Variants in SLC12A4 observed in about 807,000 individuals in gnomAD.
SLC12A4 encodes solute carrier family 12 member 4, also known as electroneutral potassium-chloride cotransporter 1.
A neutral mutation model predicts 119.2 loss-of-function variants in SLC12A4; 84 were observed. The observed-to-expected ratio is 0.70, with a 90% CI of 0.59 to 0.85. SLC12A4 has a LOEUF of 0.85. SLC12A4 is among the 40% of genes least tolerant of loss of function. The pLI, the probability that SLC12A4 is intolerant of heterozygous loss-of-function variation, is 0.00. For missense variants in SLC12A4, 1,298 were observed against 1,476.3 expected, an observed-to-expected ratio of 0.88 and a Z score of 1.98; for synonymous variants, 599 against 604.6, an observed-to-expected ratio of 0.99 and a Z score of 0.14.
chr16:67,955,337 A>T (rs1346733989), intron 5 of SLC12A4, among the ~76,000 whole-genome samples: 1 of 152,258 alleles, frequency 6.6e-6, no homozygotes, highest in African/African-American at 2.4e-5. Context: ...GCACAGGGGG[A>T]CAAGAGTCAT....
Position 67,950,350 on chromosome 16 carries a change from A to G in SLC12A4, c.1598T>C (p.Ile533Thr). ...LTGAPRLLQA[I>T]AKDNIIPFLR... ...GAAGGGGATGATGTTGTCCTTGGCAATGGCCTGCAATAGGCGTGGTGCCCC... is the reference window on the plus strand; with the variant it reads ...GAAGGGGATGATGTTGTCCTTGGCAGTGGCCTGCAATAGGCGTGGTGCCCC... Residue 533 changes from isoleucine (I) to threonine (T), a missense_variant, in exon 12 of 24, where the codon ATT (isoleucine) becomes ACT (threonine). Transcript: ENST00000316341. The surrounding 1 kb of genome is among the most constrained non-coding windows in gnomAD (Gnocchi z 4.3). The G allele has an allele frequency of 1.9e-6, 3 of 1,613,990 alleles. No homozygotes were observed. The highest frequency in any genetic ancestry group is 1.7e-6 in the Non-Finnish European group (2 of 1,180,010).
intron 4 of SLC12A4, 27 bp from the exon 5 acceptor site, chr16:67,957,823 G>C: frequency 6.2e-7 from 1 of 1,614,168 alleles, no homozygotes; most frequent in Non-Finnish European, 8.5e-7. Context: ...CTGGGTGAGC[G>C]GCTCAGCTGG....
At chr16:67,964,154 G>T in intron 1 of SLC12A4, 1 of 1,439,530 alleles carries the variant, frequency 6.9e-7, no homozygotes. Flanking sequence ...GATTCCAGGA[G>T]CCTTCTAGGG....
chr16:67,962,042 T>A (rs2030608965), intron 2 of SLC12A4, among the ~76,000 whole-genome samples: 1 of 152,210 alleles, frequency 6.6e-6, no homozygotes, highest in South Asian at 2.1e-4. Flanking sequence ...TCATCCTGCC[T>A]GCTCTGCCCA....
In SLC12A4 at chr16:67,947,121, G is replaced by C. The variant is rs371414397; in HGVS notation, c.2073-16C>G. On this transcript the variant is annotated splice_polypyrimidine_tract_variant and intron_variant, in intron 16 of 23. Coordinates refer to ENST00000316341, the MANE Select transcript of SLC12A4 (RefSeq NM_005072.5). ...CAGCTGCGGCCTGCAGTGGCCGGGT[G>C]GGGGGAGCCTGAGACCAGGGCCGGC... 6.2e-5 allele frequency: 97 copies of C among 1,569,614 alleles called. No homozygotes were observed. The highest frequency in any genetic ancestry group is 4.3e-4 in the Middle Eastern group (2 of 4,598).
In SLC12A4 at chr16:67,951,529, G is replaced by C. The variant is rs979264282; in HGVS notation, c.1133-225C>G. ...GCTGAACCACCGTCACCCAGAGCCCGCCACTGCCCGCCTTCCACAGAGGCC... is the reference window on the plus strand; with the variant it reads ...GCTGAACCACCGTCACCCAGAGCCCCCCACTGCCCGCCTTCCACAGAGGCC... On this transcript the variant is annotated intron_variant, in intron 8 of 23. Transcript: ENST00000316341. The surrounding 1 kb of genome is among the most constrained non-coding windows in gnomAD (Gnocchi z 5.2). The C allele has an allele frequency of 8.5e-5, 52 of 613,086 alleles. No individual in the cohort carries two copies. The African/African-American group carries it at 9.4e-4, about 11-fold the overall frequency. The allele number at this position is 613,086 out of a possible 1,614,324, so 38.0% of individuals were successfully genotyped here.
chr16:67,951,308 C>G lies in SLC12A4; in HGVS notation c.1133-4G>C. The G allele has an allele frequency of 3.1e-6, 5 of 1,611,240 alleles. No homozygotes were observed. The highest frequency in any genetic ancestry group is 4.2e-6 in the Non-Finnish European group (5 of 1,178,312). On this transcript the variant is annotated splice_region_variant and splice_polypyrimidine_tract_variant and intron_variant, in intron 8 of 23. Coordinates refer to ENST00000316341, the MANE Select transcript of SLC12A4 (RefSeq NM_005072.5). This position sits in a 1 kb window ranked among gnomAD's most constrained non-coding sequence, Gnocchi z 5.2. ...AGGTAGGCGCTCCACAGGTTTTCTG[C>G]AGGGGTAGCTGTGTCACCACCACAG... is the stretch of plus-strand genomic sequence containing the variant.
rs1598206227 is a variant in SLC12A4 at position 67,944,357 on chromosome 16, A to G, written c.*483T>C. ...GAACTACACAATGTTTTATTGAAAA[A>G]GTCAGGCCTCAGCTCAGCTGTCTCC... On this transcript the variant is annotated 3_prime_UTR_variant, in exon 24 of 24. Coordinates refer to ENST00000316341, the MANE Select transcript of SLC12A4 (RefSeq NM_005072.5). The surrounding 1 kb of genome is among the most constrained non-coding windows in gnomAD (Gnocchi z 6.6). 4 of 1,359,440 alleles carry G rather than the reference A, an allele frequency of 2.9e-6. No individual in the cohort carries two copies. The East Asian group carries it at 1.1e-4, about 37-fold the overall frequency. 84.2% of individuals were successfully genotyped at this position (1,359,440 alleles called of 1,614,324 possible). A position where few individuals can be genotyped will look rare whatever the true frequency, so the allele number is the denominator to read the frequency against.
rs891031141 is a variant in SLC12A4, at chr16:67,968,090, G to A, written c.115+349C>T. On this transcript the variant is annotated intron_variant, in intron 1 of 23. Coordinates refer to ENST00000316341, the MANE Select transcript of SLC12A4 (RefSeq NM_005072.5). ...AGAAAAGGATGTGGGATTCACCGAA[G>A]TTGAAGGGCCGGGAAGGGCCTGAGA... Among the ~76,000 whole-genome samples the A allele has an allele frequency of 2.0e-5, 3 of 152,280 alleles. No homozygotes were observed. In the East Asian group the frequency reaches 5.8e-4, roughly 30 times the overall value.
chr16:67,946,299 C>A lies in SLC12A4; in HGVS notation c.2479G>T (p.Val827Leu). Residue 827 changes from valine to leucine, a missense_variant, in exon 19 of 24, where the codon GTG (valine) becomes TTG (leucine). Coordinates refer to ENST00000316341, the MANE Select transcript of SLC12A4 (RefSeq NM_005072.5). ...GGGTAGAAGGCGATGTTCTTGGGCACGAGCAGGGCCAGGTGGGCAGCCGTA... is the reference window on the plus strand; with the variant it reads ...GGGTAGAAGGCGATGTTCTTGGGCAAGAGCAGGGCCAGGTGGGCAGCCGTA... ...CTTAAHLALL[V>L]PKNIAFYPSN... 6.2e-7 allele frequency: 1 copy of A among 1,612,582 alleles called. No individual in the cohort carries two copies. Among genetic ancestry groups the A allele is most frequent in the Non-Finnish European group, 8.5e-7 (1 of 1,180,022 alleles).
At position 67,945,477 on chromosome 16, in the gene SLC12A4, A is replaced by G. The variant is rs912855976; in HGVS notation, c.2924T>C (p.Val975Ala). 11 of 1,613,806 alleles carry G rather than the reference A, an allele frequency of 6.8e-6. No homozygotes were observed. The African/African-American group carries it at 1.3e-4, about 20-fold the overall frequency. ...CGTCATCTGGATCTTGTCAGCCCCC[A>G]CTGCAGACTCATCTTCCTCGTCCGA... is the stretch of plus-strand genomic sequence containing the variant. ...LYSDEEDESA[V>A]GADKIQMTWT... is the part of the protein sequence containing the mutation. The change falls in exon 22 of 24, where the codon GTG becomes GCG. Residue 975 changes from valine to alanine, a missense_variant. Val to Ala is a moderately conservative substitution (Grantham distance 64). Transcript: ENST00000316341.
chr16:67,968,341 C>T (rs1433591224), intron 1 of SLC12A4, 98 bp downstream of exon 1: 5 of 1,099,060 alleles, frequency 4.5e-6, no homozygotes, highest in Non-Finnish European at 6.1e-6. Context: ...GACGTGTGCG[C>T]GCAAGGTCCC....
intron 5 of SLC12A4, among the ~76,000 whole-genome samples, chr16:67,957,228 G>A (rs1481628519): frequency 1.3e-5 from 2 of 149,562 alleles, no homozygotes; most frequent in African/African-American, 5.0e-5. Flanking sequence ...GGAGTGCAGT[G>A]GTGCAATCTC....
Position 67,961,714 on chromosome 16 carries a change from C to T in SLC12A4, c.211-8G>A, listed in dbSNP as rs2030587368. ...GCGGATGTCCAGCTCTTCCTGCAAA[C>T]AGAGCCACAGGGCAAGATGGCATTG... On this transcript the variant is annotated splice_region_variant and splice_polypyrimidine_tract_variant and intron_variant, in intron 2 of 23. Transcript: ENST00000316341. The T allele has an allele frequency of 6.2e-7, 1 of 1,613,820 alleles. No homozygotes were observed. The highest frequency in any genetic ancestry group is 2.2e-5 in the East Asian group (1 of 44,896).
chr16:67,956,118 A>C (rs1235973834), intron 5 of SLC12A4, among the ~76,000 whole-genome samples: 2 of 152,076 alleles, frequency 1.3e-5, no homozygotes, highest in Non-Finnish European at 2.9e-5. Context: ...TGGAGATTGC[A>C]GTGAGCTGAG....
In SLC12A4 at chr16:67,944,416, A is replaced by G. The variant is rs954542127; in HGVS notation, c.*424T>C. Reference sequence around the variant, plus strand: ...CAGCTTGGTGGGGGGCCCTGCCCATAGTAGACTGAGCCAGATCTTCCTGCA... The same window carrying G: ...CAGCTTGGTGGGGGGCCCTGCCCATGGTAGACTGAGCCAGATCTTCCTGCA... On this transcript the variant is annotated 3_prime_UTR_variant, in exon 24 of 24. Transcript: ENST00000316341. The surrounding 1 kb of genome is among the most constrained non-coding windows in gnomAD (Gnocchi z 6.6). The G allele has an allele frequency of 7.2e-5, 93 of 1,290,320 alleles. No individual in the cohort carries two copies. Among genetic ancestry groups the G allele is most frequent in the Non-Finnish European group, 8.8e-5 (90 of 1,018,350 alleles). The allele number at this position is 1,290,320 out of a possible 1,614,324, so 79.9% of individuals were successfully genotyped here. A position where few individuals can be genotyped will look rare whatever the true frequency, so the allele number is the denominator to read the frequency against.
In SLC12A4 at chr16:67,945,109, C is replaced by T. The variant is rs1392740239; in HGVS notation, c.3144G>A (p.Arg1048=). The change falls in exon 23 of 24, where the codon AGG becomes AGA. Residue 1048 remains arginine, a synonymous_variant. Transcript: ENST00000316341. ...LVLLNMPGPP[R]NSEGDENYME... ...TACAGTTCTCGTCGCCCTCACTGTTCCTGGGTGGGCCAGGCATGTTTAGGA... is the reference window on the plus strand; with the variant it reads ...TACAGTTCTCGTCGCCCTCACTGTTTCTGGGTGGGCCAGGCATGTTTAGGA... The T allele has an allele frequency of 2.5e-6, 4 of 1,590,816 alleles. No individual in the cohort carries two copies. Among genetic ancestry groups the T allele is most frequent in the Admixed American group, 1.8e-5 (1 of 57,062 alleles).
Position 67,949,699 on chromosome 16 carries a change from C to T in SLC12A4, c.1748+101G>A. ...CCACATCTCCCCATGCAGCCTGCCA[C>T]ATCTCCCAGCTGGACCTCCAACACC... On this transcript the variant is annotated intron_variant, in intron 13 of 23. Coordinates refer to ENST00000316341, the MANE Select transcript of SLC12A4 (RefSeq NM_005072.5). This position sits in a 1 kb window ranked among gnomAD's most constrained non-coding sequence, Gnocchi z 4.6. 2.6e-6 allele frequency: 2 copies of T among 771,394 alleles called. No individual in the cohort carries two copies. Among genetic ancestry groups the T allele is most frequent in the Admixed American group, 2.5e-5 (1 of 39,772 alleles). The allele number at this position is 771,394 out of a possible 1,614,324, so 47.8% of individuals were successfully genotyped here. A position where few individuals can be genotyped will look rare whatever the true frequency, so the allele number is the denominator to read the frequency against.
chr16:67,946,440 A>G lies in SLC12A4; in HGVS notation c.2435T>C (p.Ile812Thr), dbSNP rs749312118. 2.5e-6 allele frequency: 4 copies of G among 1,605,186 alleles called. No homozygotes were observed. The highest frequency in any genetic ancestry group is 1.3e-5 in the African/African-American group (1 of 75,050). Residue 812 changes from isoleucine (I) to threonine (T), a missense_variant and splice_region_variant, in exon 18 of 24, where the codon ATT (isoleucine) becomes ACT (threonine). Physicochemically the swap from Ile to Thr is moderately conservative, Grantham distance 89. Coordinates refer to ENST00000316341, the MANE Select transcript of SLC12A4 (RefSeq NM_005072.5). ...CCAGGCCCCAGGCCTTCACACACCA[A>G]TGAAGGTCTTCCAGGCACGGGGGTC... The part of the protein sequence containing the change: ...SEDPRAWKTF[I>T]DTVRCTTAAH...
Sources: allele counts gnomAD v4.1 joint callset (sites outside exome capture counted in the v4.1 genomes callset), GRCh38; gene constraint gnomAD v4.1.1; non-coding constraint Gnocchi (gnomAD v3.1); transcripts MANE v1.5; gene names NCBI Gene and HGNC (gene_info 2026-07-23, HGNC 2026-07-21).